The following DAB1 variants were observed in gnomAD, a reference collection of about 807,000 sequenced individuals.
DAB1 encodes disabled homolog 1.
A neutral mutation model predicts 64.6 loss-of-function variants in DAB1; 15 were observed. The ratio of observed to expected loss-of-function variants is 0.23; its 90% CI spans 0.16 to 0.36. DAB1 has a LOEUF of 0.36. Among genes scored for constraint, DAB1 ranks in the 10% least tolerant of loss-of-function variants. DAB1 has a pLI of 1.00. For synonymous variants in DAB1, 235 were observed against 251.9 expected, an observed-to-expected ratio of 0.93 and a Z score of 0.64; for missense variants, 596 against 706.7, an observed-to-expected ratio of 0.84 and a Z score of 1.78.
At chr1:58,442,465 T>C (rs1645022242) in intron 3 of DAB1, among the ~76,000 whole-genome samples, 1 of 151,678 alleles carries the variant, frequency 6.6e-6, no homozygotes, top group Admixed American at 6.6e-5. Flanking sequence ...AACTCCACTG[T>C]GCCTCCTGAA....
At chr1:57,907,245 C>T (rs919266969) in intron 5 of DAB1, among the ~76,000 whole-genome samples, 18 of 152,290 alleles carry the variant, frequency 1.2e-4, no homozygotes, top group South Asian at 2.1e-4. Flanking sequence ...CACTCAGGCA[C>T]GGTGCACCTA....
intron 6 of DAB1, among the ~76,000 whole-genome samples, chr1:57,699,382 T>G (rs1646881678): frequency 6.6e-6 from 1 of 152,234 alleles, no homozygotes; most frequent in South Asian, 2.1e-4. Context: ...CTAAGTCACC[T>G]AACTAGAAAG....
chr1:58,376,071 C>CT (rs1276002552), intron 3 of DAB1, among the ~76,000 whole-genome samples: 2 of 152,068 alleles, frequency 1.3e-5, no homozygotes, highest in Non-Finnish European at 2.9e-5. Context: ...ATTCTTCTCT[C>CT]TTTTTTTCTT....
intron 1 of DAB1, among the ~76,000 whole-genome samples, chr1:57,835,135 C>G (rs1652754365): frequency 6.6e-6 from 1 of 152,090 alleles, no homozygotes; most frequent in African/African-American, 2.4e-5. Flanking sequence ...GCAGCTCATG[C>G]TGGATAATAA....
At chr1:58,489,429 A>G (rs1294028817) in intron 3 of DAB1, among the ~76,000 whole-genome samples, 1 of 152,198 alleles carries the variant, frequency 6.6e-6, no homozygotes, top group Non-Finnish European at 1.5e-5. Flanking sequence ...TTGAGTAGGT[A>G]AACAAAGCAG....
intron 3 of DAB1, among the ~76,000 whole-genome samples, chr1:58,377,526 G>A (rs1275469502): frequency 7.2e-6 from 1 of 138,086 alleles, no homozygotes; most frequent in Admixed American, 7.2e-5. Context: ...CTTCTGGCTT[G>A]TAGGGTTTCT....
Position 58,052,563 on chromosome 1 carries a change from T to G in DAB1, n.387+97948A>C, listed in dbSNP as rs528074051. Among the ~76,000 whole-genome samples the G allele has an allele frequency of 9.6e-4, 146 of 152,262 alleles. 1 individual carries two copies. Among genetic ancestry groups the G allele is most frequent in the African/African-American group, 3.4e-3 (141 of 41,568 alleles). ...GGTTCCATATGAACTTTAAAGTAGT[T>G]TTTTTCCAATTCTGTGAAGAAAGTC... On this transcript the variant is annotated intron_variant and non_coding_transcript_variant, in intron 5 of 20. Coordinates refer to the DAB1 transcript ENST00000485760.
intron 4 of DAB1, among the ~76,000 whole-genome samples, chr1:58,341,264 G>A (rs571020044): frequency 2.0e-5 from 3 of 152,212 alleles, no homozygotes; most frequent in Admixed American, 1.3e-4. Context: ...TAAAAAGAAA[G>A]CATTTCAGAG....
chr1:58,030,214 AT>A (rs1646951354), intron 5 of DAB1, among the ~76,000 whole-genome samples: 1 of 152,204 alleles, frequency 6.6e-6, no homozygotes. Flanking sequence ...CTCTAAAAAA[AT>A]AAATAAATAA....
intron 5 of DAB1, among the ~76,000 whole-genome samples, chr1:57,959,891 A>G (rs1645477235): frequency 6.6e-6 from 1 of 152,164 alleles, no homozygotes; most frequent in Non-Finnish European, 1.5e-5. Flanking sequence ...GCTAACAAAG[A>G]CCTTATTAAT....
chr1:58,016,509 T>A (rs1646741520), intron 5 of DAB1, among the ~76,000 whole-genome samples: 1 of 152,140 alleles, frequency 6.6e-6, no homozygotes, highest in Non-Finnish European at 1.5e-5. Context: ...TGTCTGCTAG[T>A]CAAATCCTCC....
chr1:57,722,203 A>G (rs908043610), intron 6 of DAB1, among the ~76,000 whole-genome samples: 1 of 152,192 alleles, frequency 6.6e-6, no homozygotes, highest in Admixed American at 6.5e-5. Flanking sequence ...TGTAAAGCCC[A>G]CAGAGGTAAG....
At chr1:58,265,391 G>T (rs1051234344) in intron 4 of DAB1, among the ~76,000 whole-genome samples, 2 of 152,094 alleles carry the variant, frequency 1.3e-5, no homozygotes, top group Non-Finnish European at 2.9e-5. Flanking sequence ...TTCCTCACTG[G>T]CCTGCTCTGT....
intron 4 of DAB1, among the ~76,000 whole-genome samples, chr1:57,133,491 T>C (rs192205710): frequency 1.3e-5 from 2 of 152,290 alleles, no homozygotes; most frequent in East Asian, 1.9e-4. Flanking sequence ...ACAGACCTAG[T>C]AACATCATGA....
intron 3 of DAB1, among the ~76,000 whole-genome samples, chr1:58,485,368 A>G (rs1362860662): frequency 6.6e-6 from 1 of 151,622 alleles, no homozygotes; most frequent in Non-Finnish European, 1.5e-5. Context: ...TTTCTTGAGT[A>G]AATTTTTTAC....
chr1:58,016,008 G>C (rs778410101), intron 5 of DAB1, among the ~76,000 whole-genome samples: 23 of 152,040 alleles, frequency 1.5e-4, no homozygotes, highest in South Asian at 6.2e-4. Flanking sequence ...AACAGCCTAG[G>C]GGGGGGTAGT....
chr1:58,290,247 C>A (rs991611553), intron 4 of DAB1, among the ~76,000 whole-genome samples: 1 of 152,068 alleles, frequency 6.6e-6, no homozygotes, highest in Admixed American at 6.6e-5. Flanking sequence ...ACACCAAATC[C>A]ACATTGAGGG....
chr1:58,082,012 A>G (rs1650027248), intron 5 of DAB1, among the ~76,000 whole-genome samples: 1 of 150,870 alleles, frequency 6.6e-6, no homozygotes, highest in South Asian at 2.1e-4. Flanking sequence ...TTAGATCTAC[A>G]AGAGATTTGG....
chr1:57,145,287 C>A lies in DAB1; in HGVS notation c.207+3G>T, dbSNP rs748591766. 3 of 1,613,932 alleles carry A rather than the reference C, an allele frequency of 1.9e-6. No individual in the cohort carries two copies. The highest frequency in any genetic ancestry group is 3.3e-5 in the Admixed American group (2 of 60,020). Reference sequence around the variant, plus strand: ...TATTGAAAAGAAAACGTTTGCATAGCACCTTGAGTTTCATCATGGAATCTT... The same window carrying A: ...TATTGAAAAGAAAACGTTTGCATAGAACCTTGAGTTTCATCATGGAATCTT... On this transcript the variant is annotated splice_donor_region_variant and intron_variant, in intron 3 of 14. Transcript: ENST00000371236.
Sources: allele counts gnomAD v4.1 joint callset (sites outside exome capture counted in the v4.1 genomes callset), GRCh38; gene constraint gnomAD v4.1.1; transcripts MANE v1.5; gene names NCBI Gene and HGNC (gene_info 2026-07-23, HGNC 2026-07-21).